Variants in WDR25 observed in about 807,000 individuals in gnomAD.
The protein encoded by WDR25 is WD repeat-containing protein 25.
WDR25 carries 35 observed loss-of-function variants against 47.7 expected under a neutral mutation model. That is an observed-to-expected ratio of 0.73 (90% CI 0.56 to 0.97). WDR25 has a LOEUF of 0.97. Among genes scored for constraint, WDR25 ranks in the 50% least tolerant of loss-of-function variants. The pLI is 0.00. For synonymous variants in WDR25, 248 were observed against 278.9 expected (o/e 0.89, Z 1.10); for missense variants, 634 against 704.7 (o/e 0.90, Z 1.14).
intron 2 of WDR25, among the ~76,000 whole-genome samples, chr14:100,387,888 C>T (rs550590776): frequency 1.3e-5 from 2 of 152,326 alleles, no homozygotes; most frequent in Admixed American, 6.5e-5. Context: ...GAGATGATTT[C>T]TGGGGTGGTT....
rs184140516 is a variant in WDR25, at chr14:100,516,963, C to T, written c.1102-8907C>T. Among the ~76,000 whole-genome samples the T allele has an allele frequency of 7.9e-4, 119 of 150,926 alleles. 1 individual carries two copies. Among genetic ancestry groups the T allele is most frequent in the African/African-American group, 2.7e-3 (109 of 41,124 alleles). On this transcript the variant is annotated intron_variant, in intron 4 of 6. Transcript: ENST00000402312. The stretch of plus-strand genomic sequence containing the variant: ...TTTTTTTAAAGGAGATGGGATCTCA[C>T]TCTGTCACCCAGGCTGAAGTGCAGT...
intron 4 of WDR25, among the ~76,000 whole-genome samples, chr14:100,491,730 C>G (rs905124334): frequency 6.6e-6 from 1 of 152,238 alleles, no homozygotes; most frequent in Non-Finnish European, 1.5e-5. Context: ...CCTGCATGGA[C>G]AGCCCTGGCA....
chr14:100,376,853 C>T (rs1896699005), intron 1 of WDR25: 7 of 868,710 alleles, frequency 8.1e-6, no homozygotes, highest in Non-Finnish European at 1.0e-5. Context: ...TATCCTATTT[C>T]TTTTACTTCC....
chr14:100,445,086 C>A (rs570458727), intron 2 of WDR25, among the ~76,000 whole-genome samples: 108 of 152,242 alleles, frequency 7.1e-4, no homozygotes, highest in Non-Finnish European at 1.4e-3. Flanking sequence ...TTGCTGTCAC[C>A]CCATATCCCC....
At chr14:100,427,426 C>T (rs920550780) in intron 2 of WDR25, among the ~76,000 whole-genome samples, 8 of 152,198 alleles carry the variant, frequency 5.3e-5, no homozygotes, top group African/African-American at 1.9e-4. Context: ...GTATCCCCAG[C>T]TTGATCACAG....
intron 2 of WDR25, among the ~76,000 whole-genome samples, chr14:100,393,916 G>A (rs942764240): frequency 5.3e-5 from 8 of 152,140 alleles, no homozygotes; most frequent in Non-Finnish European, 8.8e-5. Flanking sequence ...GGAGCACAGC[G>A]CTCCACACAC....
chr14:100,521,554 T>C (rs1434171834), intron 4 of WDR25, among the ~76,000 whole-genome samples: 1 of 152,244 alleles, frequency 6.6e-6, no homozygotes, highest in Non-Finnish European at 1.5e-5. Context: ...CTGAACAATG[T>C]GTCCTGGAGA....
chr14:100,393,221 A>G lies in WDR25; in HGVS notation c.822+11475A>G, dbSNP rs973202003. On this transcript the variant is annotated intron_variant, in intron 2 of 6. Transcript: ENST00000402312. ...TAGCAATTTCTCTCTCCCTACTCAC[A>G]GTGTATTTACACAGCCTGACAACTG... Among the ~76,000 whole-genome samples, 11 of 152,392 alleles carry G rather than the reference A, an allele frequency of 7.2e-5. No individual in the cohort carries two copies. The South Asian group carries it at 8.3e-4, about 11-fold the overall frequency.
chr14:100,404,493 C>T lies in WDR25; in HGVS notation c.822+22747C>T, dbSNP rs1286145048. Among the ~76,000 whole-genome samples the T allele has an allele frequency of 6.6e-6, 1 of 152,230 alleles. No homozygotes were observed. The highest frequency in any genetic ancestry group is 1.5e-5 in the Non-Finnish European group (1 of 68,044). On this transcript the variant is annotated intron_variant, in intron 2 of 6. Coordinates refer to ENST00000402312, the MANE Select transcript of WDR25 (RefSeq NM_001161476.3). The surrounding 1 kb of genome is among the most constrained non-coding windows in gnomAD (Gnocchi z 4.6). ...TTACCACCATGGGAGGCAGAGCGCA[C>T]ACCCCTCTGGTGTTCCTGGCTGGGA...
At chr14:100,452,609 C>A (rs980984573) in intron 2 of WDR25, among the ~76,000 whole-genome samples, 2 of 151,846 alleles carry the variant, frequency 1.3e-5, no homozygotes, top group Non-Finnish European at 2.9e-5. Context: ...TGTGAGAGGC[C>A]AGGAGGCCAG....
chr14:100,526,130 G>A, intron 5 of WDR25, 90 bp downstream of exon 5: 1 of 1,454,684 alleles, frequency 6.9e-7, no homozygotes, highest in Non-Finnish European at 9.3e-7. Context: ...GGTCCCTTCT[G>A]TGGGAGGAGG....
chr14:100,440,618 A>G lies in WDR25; in HGVS notation c.823-27403A>G, dbSNP rs564808521. ...AGGAGCCCAGGCTGCCCTGGCTGCT[A>G]TACGCATCCTTCCAGGCAACCTTCA... On this transcript the variant is annotated intron_variant, in intron 2 of 6. Coordinates refer to ENST00000402312, the MANE Select transcript of WDR25 (RefSeq NM_001161476.3). The surrounding 1 kb of genome is among the most constrained non-coding windows in gnomAD (Gnocchi z 4.4). 5.3e-5 allele frequency among the ~76,000 whole-genome samples: 8 copies of G among 152,338 alleles called. No homozygotes were observed. Among genetic ancestry groups the G allele is most frequent in the South Asian group, 4.1e-4 (2 of 4,824 alleles).
At chr14:100,421,658 G>A (rs1302206305) in intron 2 of WDR25, among the ~76,000 whole-genome samples, 1 of 152,196 alleles carries the variant, frequency 6.6e-6, no homozygotes, top group Non-Finnish European at 1.5e-5. Context: ...GGCAGATAGA[G>A]CTAAAACCCT....
At chr14:100,507,576 C>A (rs190930798) in intron 4 of WDR25, among the ~76,000 whole-genome samples, 1 of 149,964 alleles carries the variant, frequency 6.7e-6, no homozygotes, top group East Asian at 1.9e-4. Flanking sequence ...TTTATGATTT[C>A]TTTCAGCAGT....
In WDR25 at chr14:100,501,912, A is replaced by C. The variant is rs553125191; in HGVS notation, c.1101+17788A>C. 2.0e-5 allele frequency among the ~76,000 whole-genome samples: 3 copies of C among 152,220 alleles called. No homozygotes were observed. The South Asian group carries it at 6.2e-4, about 32-fold the overall frequency. On this transcript the variant is annotated intron_variant, in intron 4 of 6. Transcript: ENST00000402312. ...TCCCTCAGGCAATGCAGAGAGGAGGATGGTGCAGTCTGCCTGGAGCTGTGC... is the reference window on the plus strand; with the variant it reads ...TCCCTCAGGCAATGCAGAGAGGAGGCTGGTGCAGTCTGCCTGGAGCTGTGC...
rs2140297206 is a variant in WDR25 at position 100,468,335 on chromosome 14, T to C, written c.970+167T>C. 6.6e-6 allele frequency among the ~76,000 whole-genome samples: 1 copy of C among 152,176 alleles called. No individual in the cohort carries two copies. Among genetic ancestry groups the C allele is most frequent in the Middle Eastern group, 3.4e-3 (1 of 294 alleles). ...GAGGGCTTCCAGACTGCTTGCCCAT[T>C]GGAACTGCGACTCCCCACAGAGGAT... On this transcript the variant is annotated intron_variant, in intron 3 of 6. Transcript: ENST00000402312. The surrounding 1 kb of genome is among the most constrained non-coding windows in gnomAD (Gnocchi z 4.5).
intron 2 of WDR25, among the ~76,000 whole-genome samples, chr14:100,462,468 G>A (rs1364384768): frequency 1.3e-5 from 2 of 152,180 alleles, no homozygotes; most frequent in African/African-American, 4.8e-5. Flanking sequence ...GAGACCAATT[G>A]GCAAAGATTC....
Position 100,381,518 on chromosome 14 carries a change from G to A in WDR25, c.594G>A (p.Glu198=), listed in dbSNP as rs1896897427. ...AGACAGGCAAGGGTAAAGACGTGGA[G>A]CCACAGGGGCCCCCTGCAGGGCGTG... ...STETGKGKDV[E]PQGPPAGRAP... The change falls in exon 2 of 7, where the codon GAG becomes GAA. Residue 198 remains glutamate (E), a synonymous_variant. Coordinates refer to ENST00000402312, the MANE Select transcript of WDR25 (RefSeq NM_001161476.3). 6.2e-7 allele frequency: 1 copy of A among 1,614,064 alleles called. No homozygotes were observed. The highest frequency in any genetic ancestry group is 8.5e-7 in the Non-Finnish European group (1 of 1,179,956).
intron 2 of WDR25, among the ~76,000 whole-genome samples, chr14:100,396,808 G>C (rs1377537840): frequency 1.3e-5 from 2 of 152,238 alleles, no homozygotes; most frequent in African/African-American, 2.4e-5. Flanking sequence ...TGCCAGAGTT[G>C]TTTTGCTCTT....
Sources: gnomAD v4.1 joint callset for allele counts (sites outside exome capture counted in the v4.1 genomes callset) on GRCh38, gnomAD v4.1.1 for gene constraint, Gnocchi (gnomAD v3.1) non-coding constraint, MANE v1.5 for transcripts, NCBI Gene and HGNC (gene_info 2026-07-23, HGNC 2026-07-21) for gene names.